SLC24A3: variants seen among roughly 807,000 people sequenced by gnomAD.
The protein encoded by SLC24A3 is sodium/potassium/calcium exchanger 3.
Under a neutral mutation model 75.8 loss-of-function variants are expected in SLC24A3, and 28 were observed. The observed-to-expected ratio is 0.37, with a 90% CI of 0.27 to 0.51. The LOEUF is 0.51. Among genes scored for constraint, SLC24A3 ranks in the 20% least tolerant of loss-of-function variants. SLC24A3 has a pLI of 0.94. For missense variants in SLC24A3, 663 were observed against 847.8 expected, an observed-to-expected ratio of 0.78 and a Z score of 2.71; for synonymous variants, 372 against 334.1, an observed-to-expected ratio of 1.11 and a Z score of -1.24.
intron 2 of SLC24A3, among the ~76,000 whole-genome samples, chr20:19,292,706 C>T (rs1037874378): frequency 6.6e-5 from 10 of 152,234 alleles, no homozygotes; most frequent in African/African-American, 2.4e-4. Context: ...AGGGTTTGAT[C>T]TGCACTTGAC....
At chr20:19,397,626 G>T (rs1005184197) in intron 2 of SLC24A3, among the ~76,000 whole-genome samples, 1 of 144,920 alleles carries the variant, frequency 6.9e-6, no homozygotes, top group African/African-American at 2.6e-5. Context: ...AAAGGAAAAG[G>T]TTGTGCTTTT....
chr20:19,308,417 C>T (rs1441297581), intron 2 of SLC24A3, among the ~76,000 whole-genome samples: 1 of 152,126 alleles, frequency 6.6e-6, no homozygotes, highest in Non-Finnish European at 1.5e-5. Flanking sequence ...TTTTGTTATG[C>T]GTTTTGTTTG....
At chr20:19,590,510 C>G (rs577240337) in intron 6 of SLC24A3, among the ~76,000 whole-genome samples, 13 of 152,290 alleles carry the variant, frequency 8.5e-5, no homozygotes, top group African/African-American at 3.1e-4. Context: ...GGAGGCCTAA[C>G]ATCCATTCCA....
At chr20:19,634,598 A>G (rs773770426) in intron 6 of SLC24A3, among the ~76,000 whole-genome samples, 1 of 152,236 alleles carries the variant, frequency 6.6e-6, no homozygotes, top group Admixed American at 6.5e-5. Context: ...ATTGATACAC[A>G]TAACTTAAAT....
chr20:19,415,683 T>C (rs932274797), intron 2 of SLC24A3, among the ~76,000 whole-genome samples: 7 of 151,904 alleles, frequency 4.6e-5, no homozygotes, highest in African/African-American at 1.7e-4. Context: ...TGGTCAGGGA[T>C]TTCGGCTTTC....
chr20:19,684,996 G>A, intron 11 of SLC24A3, 104 bp from the exon 12 acceptor site: 1 of 1,417,166 alleles, frequency 7.1e-7, no homozygotes, highest in East Asian at 2.3e-5. Context: ...TCTTCTGGAA[G>A]CATATCGTCA....
intron 2 of SLC24A3, among the ~76,000 whole-genome samples, chr20:19,479,934 C>G (rs757844426): frequency 2.0e-5 from 3 of 152,206 alleles, no homozygotes; most frequent in African/African-American, 7.2e-5. Flanking sequence ...CCTCAATACC[C>G]GCTCATTCCA....
At chr20:19,286,536 A>G (rs1021536067) in intron 2 of SLC24A3, among the ~76,000 whole-genome samples, 3 of 152,136 alleles carry the variant, frequency 2.0e-5, no homozygotes, top group Non-Finnish European at 4.4e-5. Context: ...CATCTTTTAC[A>G]TGAAAAAAAC....
intron 2 of SLC24A3, among the ~76,000 whole-genome samples, chr20:19,339,332 C>T (rs550723256): frequency 4.0e-4 from 61 of 151,876 alleles, no homozygotes; most frequent in Non-Finnish European, 6.9e-4. Context: ...GTGTTTGTAC[C>T]GCAGAAGGAA....
At chr20:19,288,554 A>G (rs550244963) in intron 2 of SLC24A3, among the ~76,000 whole-genome samples, 1 of 152,364 alleles carries the variant, frequency 6.6e-6, no homozygotes, top group Admixed American at 6.5e-5. Flanking sequence ...AAAGTCCTTT[A>G]GACATTTCAA....
At chr20:19,431,410 C>A (rs976229723) in intron 2 of SLC24A3, among the ~76,000 whole-genome samples, 5 of 152,082 alleles carry the variant, frequency 3.3e-5, no homozygotes, top group African/African-American at 1.2e-4. Context: ...CTGTGCAGTA[C>A]AGACAAGGTT....
rs2030606778 is a variant in SLC24A3 at position 19,546,852 on chromosome 20, G to A, written c.348+31288G>A. Among the ~76,000 whole-genome samples, 3 of 152,174 alleles carry A rather than the reference G, an allele frequency of 2.0e-5. No homozygotes were observed. In the South Asian group the frequency reaches 6.2e-4, roughly 32 times the overall value. On this transcript the variant is annotated intron_variant, in intron 3 of 16. Transcript: ENST00000328041. ...AGAGTCCACCCTGGGGTCAGGCTGA[G>A]GAAGCATCCCCCACGCCTTCCCTTT... is the stretch of plus-strand genomic sequence containing the variant.
At chr20:19,687,119 C>T (rs1411424418) in intron 12 of SLC24A3, among the ~76,000 whole-genome samples, 3 of 152,216 alleles carry the variant, frequency 2.0e-5, no homozygotes, top group Non-Finnish European at 4.4e-5. Context: ...TGGATTCTGT[C>T]TCACAGGCCG....
chr20:19,447,079 C>T (rs1266404646), intron 2 of SLC24A3, among the ~76,000 whole-genome samples: 1 of 152,130 alleles, frequency 6.6e-6, no homozygotes, highest in African/African-American at 2.4e-5. Context: ...CCTGGACAAA[C>T]CCAAGATAGA....
At chr20:19,354,407 GT>G (rs1391341441) in intron 2 of SLC24A3, among the ~76,000 whole-genome samples, 2 of 152,124 alleles carry the variant, frequency 1.3e-5, no homozygotes, top group African/African-American at 4.8e-5. Context: ...GGTGCAGGGG[GT>G]TGGCCTACAG....
chr20:19,467,794 T>C (rs1987793552), intron 2 of SLC24A3, among the ~76,000 whole-genome samples: 2 of 151,214 alleles, frequency 1.3e-5, no homozygotes, highest in South Asian at 4.2e-4. Flanking sequence ...GGAACGAGAA[T>C]AGCTTGAACC....
chr20:19,303,183 C>T (rs1984237648), intron 2 of SLC24A3, among the ~76,000 whole-genome samples: 1 of 152,044 alleles, frequency 6.6e-6, no homozygotes. Context: ...CTCAAGTAGG[C>T]CCCAGTGTCT....
chr20:19,460,060 G>A (rs1987643420), intron 2 of SLC24A3, among the ~76,000 whole-genome samples: 1 of 152,194 alleles, frequency 6.6e-6, no homozygotes, highest in African/African-American at 2.4e-5. Context: ...GGGCCAGGGT[G>A]AGGGTGAGGC....
chr20:19,276,311 G>A (rs536003335), intron 1 of SLC24A3, among the ~76,000 whole-genome samples: 7 of 152,158 alleles, frequency 4.6e-5, no homozygotes, highest in African/African-American at 4.8e-5. Flanking sequence ...TTATTTCTTC[G>A]TTTGTGAACC....
Sources: allele counts gnomAD v4.1 joint callset (sites outside exome capture counted in the v4.1 genomes callset), GRCh38; gene constraint gnomAD v4.1.1; transcripts MANE v1.5; gene names NCBI Gene and HGNC (gene_info 2026-07-23, HGNC 2026-07-21).